AP2A2: variants seen among roughly 807,000 people sequenced by gnomAD.
AP2A2 encodes the protein adaptor related protein complex 2 subunit alpha 2, also known as AP-2 complex subunit alpha-2.
Under a neutral mutation model 104.2 loss-of-function variants are expected in AP2A2, and 32 were observed. The ratio of observed to expected loss-of-function variants is 0.31; its 90% CI spans 0.23 to 0.41. The LOEUF (loss-of-function observed/expected upper bound fraction) is 0.41. AP2A2 is among the 10% of genes least tolerant of loss of function. The probability of loss-of-function intolerance (pLI) is 1.00; values close to 1 mark genes in which losing one functional copy is unlikely to be tolerated. For missense variants in AP2A2, 912 were observed against 1,261.0 expected (o/e 0.72, Z 4.19); for synonymous variants, 539 against 533.3 (o/e 1.01, Z -0.15).
At chr11:983,741 C>A (rs1035875706) in intron 6 of AP2A2, among the ~76,000 whole-genome samples, 1 of 152,180 alleles carries the variant, frequency 6.6e-6, no homozygotes, top group Non-Finnish European at 1.5e-5. Flanking sequence ...ATATTTGTTT[C>A]AAATATATAC....
At chr11:966,308 C>T (rs1049055973) in intron 2 of AP2A2, among the ~76,000 whole-genome samples, 6 of 152,164 alleles carry the variant, frequency 3.9e-5, no homozygotes, top group Non-Finnish European at 8.8e-5. Context: ...TCCTGGGCAA[C>T]GTGGTGAAAC....
chr11:962,234 A>G (rs958488409), intron 2 of AP2A2, among the ~76,000 whole-genome samples: 1 of 152,238 alleles, frequency 6.6e-6, no homozygotes, highest in Non-Finnish European at 1.5e-5. Flanking sequence ...TGCTGTGCTC[A>G]TTGTGAGGAA....
At chr11:1,007,238 C>T (rs185896543) in intron 17 of AP2A2, 1 of 153,670 alleles carries the variant, frequency 6.5e-6, no homozygotes, top group Non-Finnish European at 1.5e-5. Flanking sequence ...GAAGCAACAT[C>T]CTCCTTGCCA....
At chr11:983,273 C>G (rs1223974439) in intron 6 of AP2A2, among the ~76,000 whole-genome samples, 1 of 152,054 alleles carries the variant, frequency 6.6e-6, no homozygotes, top group Admixed American at 6.6e-5. Flanking sequence ...ATTGCACCTG[C>G]CTTGGCCTCC....
chr11:980,442 G>A (rs1855196963), intron 5 of AP2A2, among the ~76,000 whole-genome samples: 1 of 39,336 alleles, frequency 2.5e-5, no homozygotes, highest in Non-Finnish European at 6.1e-5. Flanking sequence ...GCCCGGTGCC[G>A]TGTCCTGGAG....
At position 993,943 on chromosome 11, in the gene AP2A2, G is replaced by A. The variant is rs764914480; in HGVS notation, c.1740G>A (p.Val580=). The part of the protein sequence containing the change: ...NADVELQQRA[V]EYLRLSTVAS... ...ACGTGGAGCTGCAGCAGCGTGCTGT[G>A]GAGTACCTGCGGCTCAGCACCGTGG... is the stretch of plus-strand genomic sequence containing the variant. Residue 580 remains valine (V), a synonymous_variant, in exon 13 of 22, where the codon GTG becomes GTA. Transcript: ENST00000448903. The surrounding 1 kb of genome is among the most constrained non-coding windows in gnomAD (Gnocchi z 8.2). 80 of 1,612,606 alleles carry A rather than the reference G, an allele frequency of 5.0e-5. No homozygotes were observed. The East Asian group carries it at 1.7e-3, about 34-fold the overall frequency.
intron 1 of AP2A2, among the ~76,000 whole-genome samples, chr11:943,976 C>T (rs942121885): frequency 3.3e-5 from 5 of 149,998 alleles, no homozygotes; most frequent in South Asian, 2.1e-4. Context: ...TAGGAGAGTC[C>T]GACCGGAGAT....
chr11:1,010,688 C>T lies in AP2A2; in HGVS notation c.*63C>T, dbSNP rs181165842. 598 of 1,402,474 alleles carry T rather than the reference C, an allele frequency of 4.3e-4. 3 individuals are homozygous for T. In the African/African-American group the frequency reaches 7.7e-3, roughly 18 times the overall value. 86.9% of individuals were successfully genotyped at this position (1,402,474 alleles called of 1,614,324 possible). A position where few individuals can be genotyped will look rare whatever the true frequency, so the allele number is the denominator to read the frequency against. ...TGTCTTCGTCTGTGCCGTTTGTCTTCGTGGCCATCCTGCAGATGAGCACCG... is the reference window on the plus strand; with the variant it reads ...TGTCTTCGTCTGTGCCGTTTGTCTTTGTGGCCATCCTGCAGATGAGCACCG... On this transcript the variant is annotated 3_prime_UTR_variant, in exon 22 of 22. Coordinates refer to ENST00000448903, the MANE Select transcript of AP2A2 (RefSeq NM_012305.4).
chr11:994,912 C>T (rs1462915697), intron 14 of AP2A2, among the ~76,000 whole-genome samples: 1 of 112,800 alleles, frequency 8.9e-6, no homozygotes, highest in Non-Finnish European at 1.9e-5. Flanking sequence ...TGGACGCCCC[C>T]CTGGCCTGTC....
At chr11:995,004 C>T (rs1298088878) in intron 14 of AP2A2, among the ~76,000 whole-genome samples, 2 of 151,840 alleles carry the variant, frequency 1.3e-5, no homozygotes, top group Non-Finnish European at 2.9e-5. Flanking sequence ...TCTGGCCTGT[C>T]CCGGGGGCCA....
In AP2A2 at chr11:926,016, C is replaced by A; in HGVS notation, c.-6C>A. ...GCCAGCCGAGGCCGCTCCCGAGCGT[C>A]GGAAGATGCCGGCCGTGTCCAAGGG... On this transcript the variant is annotated 5_prime_UTR_variant, in exon 1 of 22. Coordinates refer to ENST00000448903, the MANE Select transcript of AP2A2 (RefSeq NM_012305.4). 7.1e-7 allele frequency: 1 copy of A among 1,407,976 alleles called. No homozygotes were observed. 87.2% of individuals were successfully genotyped at this position (1,407,976 alleles called of 1,614,324 possible).
chr11:1,001,094 C>T (rs1434681649), intron 15 of AP2A2, among the ~76,000 whole-genome samples: 14 of 152,236 alleles, frequency 9.2e-5, no homozygotes, highest in Admixed American at 7.8e-4. Context: ...CTCACGCCTT[C>T]GGCCTCCACC....
chr11:969,283 T>C (rs771095683), intron 2 of AP2A2, among the ~76,000 whole-genome samples: 3 of 135,580 alleles, frequency 2.2e-5, no homozygotes, highest in Non-Finnish European at 3.1e-5. Context: ...CAGGCTGGAG[T>C]GCAATGGTGT....
chr11:1,000,706 C>T, intron 15 of AP2A2, 108 bp downstream of exon 15: 1 of 1,221,872 alleles, frequency 8.2e-7, no homozygotes, highest in South Asian at 1.5e-5. Flanking sequence ...AGTTTACCTC[C>T]CAGATTACTG....
chr11:946,059 T>C (rs1853821334), intron 1 of AP2A2, among the ~76,000 whole-genome samples: 1 of 152,178 alleles, frequency 6.6e-6, no homozygotes, highest in South Asian at 2.1e-4. Flanking sequence ...GAGTGAGGCC[T>C]CTGTAATCCA....
intron 1 of AP2A2, among the ~76,000 whole-genome samples, chr11:939,686 C>T (rs1853578964): frequency 6.6e-6 from 1 of 152,114 alleles, no homozygotes; most frequent in Non-Finnish European, 1.5e-5. Flanking sequence ...CTCAACTGAT[C>T]TGCCCTCCTC....
At chr11:930,688 T>C (rs889457657) in intron 1 of AP2A2, among the ~76,000 whole-genome samples, 9 of 151,976 alleles carry the variant, frequency 5.9e-5, no homozygotes, top group Admixed American at 2.6e-4. Context: ...GCCCGGCTAA[T>C]TTTTTGTATT....
intron 2 of AP2A2, among the ~76,000 whole-genome samples, chr11:966,512 T>C (rs1854622654): frequency 6.6e-6 from 1 of 152,164 alleles, no homozygotes; most frequent in Non-Finnish European, 1.5e-5. Context: ...CAAAACACTT[T>C]ACTTTTTCTT....
rs1032760928 is a variant in AP2A2 at position 988,813 on chromosome 11, C to T, written c.1269+124C>T. 19 of 1,249,418 alleles carry T rather than the reference C, an allele frequency of 1.5e-5. No individual in the cohort carries two copies. The South Asian group carries it at 2.3e-4, about 15-fold the overall frequency. 77.4% of individuals were successfully genotyped at this position (1,249,418 alleles called of 1,614,324 possible). Reference sequence around the variant, plus strand: ...TTGAGAACCCATGAGATGCTGAATACAAGGCTCCTCTGCCTCTGTGTTTTC... The same window carrying T: ...TTGAGAACCCATGAGATGCTGAATATAAGGCTCCTCTGCCTCTGTGTTTTC... On this transcript the variant is annotated intron_variant, in intron 10 of 21. Coordinates refer to ENST00000448903, the MANE Select transcript of AP2A2 (RefSeq NM_012305.4).
Sources: allele counts gnomAD v4.1 joint callset (sites outside exome capture counted in the v4.1 genomes callset), GRCh38; gene constraint gnomAD v4.1.1; non-coding constraint Gnocchi (gnomAD v3.1); transcripts MANE v1.5; gene names NCBI Gene and HGNC (gene_info 2026-07-23, HGNC 2026-07-21).